The following EML6 variants were observed in gnomAD, a reference collection of about 807,000 sequenced individuals.
The protein encoded by EML6 is echinoderm microtubule-associated protein-like 6.
A neutral mutation model predicts 240.1 loss-of-function variants in EML6; 154 were observed. That is an observed-to-expected ratio of 0.64 (90% CI 0.56 to 0.73). The LOEUF (loss-of-function observed/expected upper bound fraction) is 0.73. EML6 is among the 30% of genes least tolerant of loss of function. EML6 has a pLI of 0.00. For missense variants in EML6, 2,964 were observed against 2,474.6 expected (o/e 1.20, Z -4.20); for synonymous variants, 1,148 against 899.0 (o/e 1.28, Z -4.95).
chr2:54,934,962 G>A (rs1438354467), intron 28 of EML6, among the ~76,000 whole-genome samples: 7 of 152,140 alleles, frequency 4.6e-5, no homozygotes, highest in Non-Finnish European at 1.5e-5. Flanking sequence ...TTGTCACTCT[G>A]CCCTCATTTT....
intron 7 of EML6, among the ~76,000 whole-genome samples, chr2:54,841,833 T>C (rs545447742): frequency 1.4e-3 from 218 of 152,176 alleles, no homozygotes; most frequent in African/African-American, 5.0e-3. Flanking sequence ...CCTCAAGCGA[T>C]CTGCCTGCCT....
chr2:54,850,151 G>C lies in EML6; in HGVS notation c.1377G>C (p.Trp459Cys). 6.4e-7 allele frequency: 1 copy of C among 1,551,358 alleles called. No homozygotes were observed. The highest frequency in any genetic ancestry group is 1.2e-5 in the South Asian group (1 of 84,052). ...TTAGTTTCATCACGCATATTGACTG[G>C]TCCTTGGATAGTAAATACTTACAAA... ...KSLSFITHID[W>C]SLDSKYLQTN... The change falls in exon 10 of 42, where the codon TGG becomes TGC. Residue 459 changes from tryptophan to cysteine, a missense_variant. Coordinates refer to ENST00000356458, the MANE Select transcript of EML6 (RefSeq NM_001039753.4).
intron 2 of EML6, among the ~76,000 whole-genome samples, chr2:54,798,773 TTTTA>T (rs1251250480): frequency 1.3e-5 from 2 of 152,226 alleles, no homozygotes; most frequent in African/African-American, 4.8e-5. Context: ...TCTTTATACC[TTTTA>T]TTTATTCTTG....
chr2:54,764,808 A>G (rs916871862), intron 2 of EML6, among the ~76,000 whole-genome samples: 3 of 152,168 alleles, frequency 2.0e-5, no homozygotes. Flanking sequence ...TCTATTTGGT[A>G]TATGCATGGT....
intron 2 of EML6, among the ~76,000 whole-genome samples, chr2:54,736,881 C>CCAATTT (rs1683421404): frequency 6.6e-6 from 1 of 152,152 alleles, no homozygotes; most frequent in South Asian, 2.1e-4. Flanking sequence ...AGGAAACAGA[C>CCAATTT]CAATGCAAAT....
chr2:54,763,925 C>T (rs1355020249), intron 2 of EML6, among the ~76,000 whole-genome samples: 1 of 152,206 alleles, frequency 6.6e-6, no homozygotes, highest in Non-Finnish European at 1.5e-5. Flanking sequence ...CTGAAGGCCT[C>T]TCCAAACTCC....
intron 28 of EML6, among the ~76,000 whole-genome samples, chr2:54,939,765 G>C (rs1399915155): frequency 6.6e-6 from 1 of 152,116 alleles, no homozygotes; most frequent in African/African-American, 2.4e-5. Context: ...AATGAGATTT[G>C]GGCATCCCAT....
chr2:54,922,635 C>G (rs1215368960), intron 26 of EML6, among the ~76,000 whole-genome samples: 1 of 152,160 alleles, frequency 6.6e-6, no homozygotes, highest in African/African-American at 2.4e-5. Context: ...GATATGGAAA[C>G]AACTGAAGTA....
intron 4 of EML6, among the ~76,000 whole-genome samples, chr2:54,820,107 T>G (rs373404771): frequency 1.3e-5 from 2 of 152,316 alleles, no homozygotes; most frequent in South Asian, 4.2e-4. Context: ...TATCCTAAAT[T>G]GTCCATTTGT....
intron 4 of EML6, among the ~76,000 whole-genome samples, chr2:54,819,195 C>G (rs1037859800): frequency 6.6e-6 from 1 of 152,130 alleles, no homozygotes; most frequent in Non-Finnish European, 1.5e-5. Context: ...TAGGTTATTT[C>G]TCTGGTCTAG....
At chr2:54,811,827 A>T (rs1013630960) in intron 2 of EML6, among the ~76,000 whole-genome samples, 2 of 152,202 alleles carry the variant, frequency 1.3e-5, no homozygotes, top group African/African-American at 4.8e-5. Context: ...TTTCTTATTG[A>T]TAATCTCTCA....
chr2:54,807,722 T>C (rs535155620), intron 2 of EML6, among the ~76,000 whole-genome samples: 21 of 152,332 alleles, frequency 1.4e-4, no homozygotes, highest in Admixed American at 1.4e-3. Context: ...GAGCTTTCAG[T>C]ATGTATTACC....
At chr2:54,819,731 C>A (rs984891306) in intron 4 of EML6, among the ~76,000 whole-genome samples, 1 of 91,310 alleles carries the variant, frequency 1.1e-5, no homozygotes, top group South Asian at 3.7e-4. Flanking sequence ...GCCGAGATCA[C>A]GCCACTGCAC....
intron 2 of EML6, among the ~76,000 whole-genome samples, chr2:54,740,708 C>T (rs967418190): frequency 3.0e-5 from 4 of 134,032 alleles, no homozygotes; most frequent in Non-Finnish European, 6.6e-5. Flanking sequence ...CAGACTCTAG[C>T]TCTTTTTTTT....
chr2:54,817,419 T>A lies in EML6; in HGVS notation c.456+534T>A, dbSNP rs569814300. Among the ~76,000 whole-genome samples, 17 of 152,330 alleles carry A rather than the reference T, an allele frequency of 1.1e-4. 1 individual carries two copies. In the South Asian group the frequency reaches 3.5e-3, roughly 32 times the overall value. Reference sequence around the variant, plus strand: ...ACATATAACTGGTCAGAAATCTAATTTGCCAGTGTCTTGCATAATTAAAAT... The same window carrying A: ...ACATATAACTGGTCAGAAATCTAATATGCCAGTGTCTTGCATAATTAAAAT... On this transcript the variant is annotated intron_variant, in intron 4 of 41. Transcript: ENST00000356458.
chr2:54,928,982 T>A (rs538273673), intron 28 of EML6, among the ~76,000 whole-genome samples: 20 of 151,982 alleles, frequency 1.3e-4, no homozygotes, highest in African/African-American at 4.6e-4. Context: ...GAATGTGACT[T>A]GAATAGACAT....
intron 30 of EML6, among the ~76,000 whole-genome samples, chr2:54,951,209 A>C (rs937539811): frequency 6.6e-6 from 1 of 152,192 alleles, no homozygotes; most frequent in Non-Finnish European, 1.5e-5. Context: ...AGCCACATTT[A>C]TAATGAGAAT....
chr2:54,745,430 A>T (rs1683870242), intron 2 of EML6, among the ~76,000 whole-genome samples: 1 of 152,090 alleles, frequency 6.6e-6, no homozygotes. Flanking sequence ...GGAGATACTG[A>T]TGGAGGTTAA....
chr2:54,785,482 C>T (rs1669041375), intron 2 of EML6, among the ~76,000 whole-genome samples: 2 of 152,116 alleles, frequency 1.3e-5, no homozygotes, highest in Non-Finnish European at 2.9e-5. Flanking sequence ...TGTGCCTGGC[C>T]CCCATGGCCT....
Sources: allele counts gnomAD v4.1 joint callset (sites outside exome capture counted in the v4.1 genomes callset), GRCh38; gene constraint gnomAD v4.1.1; transcripts MANE v1.5; gene names NCBI Gene and HGNC (gene_info 2026-07-23, HGNC 2026-07-21).